Variants in KIF26B observed in about 807,000 individuals in gnomAD.
KIF26B encodes kinesin family member 26B.
KIF26B carries 63 observed loss-of-function variants against 151.2 expected under a neutral mutation model. The observed-to-expected ratio is 0.42, with a 90% CI of 0.34 to 0.51. The LOEUF (loss-of-function observed/expected upper bound fraction) is 0.51, where lower values mean the gene tolerates loss of function less well. Among genes scored for constraint, KIF26B ranks in the 20% least tolerant of loss-of-function variants. KIF26B has a pLI of 0.07. For missense variants in KIF26B, 2,813 were observed against 2,913.6 expected, an observed-to-expected ratio of 0.97 and a Z score of 0.79; for synonymous variants, 1,357 against 1,262.1, an observed-to-expected ratio of 1.08 and a Z score of -1.59.
At position 245,522,091 on chromosome 1, in the gene KIF26B, G is replaced by C. The variant is rs148609986; in HGVS notation, c.1167-18676G>C. Among the ~76,000 whole-genome samples, 610 of 152,186 alleles carry C rather than the reference G, an allele frequency of 4.0e-3. 2 individuals are homozygous for C. Among genetic ancestry groups the C allele is most frequent in the African/African-American group, 9.4e-3 (389 of 41,518 alleles). On this transcript the variant is annotated intron_variant, in intron 4 of 14. Transcript: ENST00000407071. The stretch of plus-strand genomic sequence containing the variant: ...TCACCGTGTTAGCCAGGATGGTCTC[G>C]ATCTCCTGACCTCATGATCTGCCCG...
chr1:245,463,591 C>T (rs2103058955), intron 4 of KIF26B, among the ~76,000 whole-genome samples: 1 of 152,298 alleles, frequency 6.6e-6, no homozygotes, highest in African/African-American at 2.4e-5. Context: ...CTTCCTGGGA[C>T]TTTGCAGTCA....
intron 4 of KIF26B, among the ~76,000 whole-genome samples, chr1:245,534,205 C>T (rs1558203447): frequency 6.6e-6 from 1 of 152,100 alleles, no homozygotes; most frequent in East Asian, 1.9e-4. Flanking sequence ...TGCTGTCCCC[C>T]AGGCTGGTGT....
intron 2 of KIF26B, among the ~76,000 whole-genome samples, chr1:245,280,156 C>T (rs1051052744): frequency 5.3e-5 from 8 of 152,038 alleles, no homozygotes; most frequent in Admixed American, 2.6e-4. Flanking sequence ...GAGTCGTCAC[C>T]CAGAACCCCC....
intron 2 of KIF26B, among the ~76,000 whole-genome samples, chr1:245,246,347 C>T (rs1041140619): frequency 6.6e-6 from 1 of 152,202 alleles, no homozygotes; most frequent in African/African-American, 2.4e-5. Flanking sequence ...ATGCTGTTGT[C>T]TTCATCATCC....
rs1307655564 is a variant in KIF26B at position 245,516,331 on chromosome 1, G to C, written c.1167-24436G>C. ...ACGGCAACAACAAAACGTGTAACAG[G>C]AATTGTCCGTTCCCATGGCCAGTCC... is the stretch of plus-strand genomic sequence containing the variant. On this transcript the variant is annotated intron_variant, in intron 4 of 14. Coordinates refer to ENST00000407071, the MANE Select transcript of KIF26B (RefSeq NM_018012.4). The surrounding 1 kb of genome is among the most constrained non-coding windows in gnomAD (Gnocchi z 4.2). Among the ~76,000 whole-genome samples, 2 of 152,136 alleles carry C rather than the reference G, an allele frequency of 1.3e-5. No individual in the cohort carries two copies. Among genetic ancestry groups the C allele is most frequent in the Non-Finnish European group, 2.9e-5 (2 of 68,026 alleles).
chr1:245,574,263 C>A (rs958013266), intron 5 of KIF26B, among the ~76,000 whole-genome samples: 2 of 152,144 alleles, frequency 1.3e-5, no homozygotes, highest in African/African-American at 4.8e-5. Flanking sequence ...TGAGCCTCAG[C>A]CTCCCGAGTA....
At chr1:245,327,301 TGA>T (rs538089513) in intron 2 of KIF26B, among the ~76,000 whole-genome samples, 221 of 152,300 alleles carry the variant, frequency 1.5e-3, no homozygotes, top group African/African-American at 5.1e-3. Context: ...GAAACAGATG[TGA>T]GTGTTTGAAT....
intron 2 of KIF26B, among the ~76,000 whole-genome samples, chr1:245,199,685 G>A (rs766954741): frequency 6.6e-5 from 10 of 152,080 alleles, no homozygotes; most frequent in Admixed American, 1.3e-4. Flanking sequence ...GTTTCACCAT[G>A]TTGGCCAGGC....
intron 2 of KIF26B, among the ~76,000 whole-genome samples, chr1:245,220,023 G>A (rs925358729): frequency 3.3e-5 from 5 of 152,128 alleles, no homozygotes; most frequent in Non-Finnish European, 7.4e-5. Flanking sequence ...GATGCAGGGG[G>A]CAGAGGTGAG....
intron 4 of KIF26B, among the ~76,000 whole-genome samples, chr1:245,480,441 T>C (rs1660141679): frequency 6.6e-6 from 1 of 151,618 alleles, no homozygotes; most frequent in South Asian, 2.1e-4. Flanking sequence ...TCTGCCAGCT[T>C]AGGGGTTCCA....
At chr1:245,248,591 A>G (rs929074646) in intron 2 of KIF26B, among the ~76,000 whole-genome samples, 9 of 152,354 alleles carry the variant, frequency 5.9e-5, no homozygotes, top group Non-Finnish European at 8.8e-5. Flanking sequence ...GACGCCAAGA[A>G]CTAAATCGTA....
At chr1:245,249,150 C>T (rs185357877) in intron 2 of KIF26B, among the ~76,000 whole-genome samples, 10 of 152,236 alleles carry the variant, frequency 6.6e-5, no homozygotes, top group East Asian at 3.9e-4. Flanking sequence ...CTTGCTCTTT[C>T]GCCCAGGCTG....
rs898677524 is a variant in KIF26B at position 245,155,342 on chromosome 1, G to A, written c.-83G>A. ...GAGGGCTGAGAGCCAGCCCCCTGCA[G>A]CCGGGGGACGCTTCTGGGTTGGAGG... On this transcript the variant is annotated 5_prime_UTR_variant, in exon 1 of 15. Transcript: ENST00000407071. 1 of 1,187,612 alleles carries A rather than the reference G, an allele frequency of 8.4e-7. No homozygotes were observed. The highest frequency in any genetic ancestry group is 1.2e-6 in the Non-Finnish European group (1 of 817,562). The allele number at this position is 1,187,612 out of a possible 1,614,324, so 73.6% of individuals were successfully genotyped here.
rs558034521 is a variant in KIF26B at position 245,358,515 on chromosome 1, G to A, written c.466-8319G>A. Among the ~76,000 whole-genome samples, 20 of 151,308 alleles carry A rather than the reference G, an allele frequency of 1.3e-4. No homozygotes were observed. In the East Asian group the frequency reaches 2.7e-3, roughly 21 times the overall value. On this transcript the variant is annotated intron_variant, in intron 2 of 14. Transcript: ENST00000407071. This position sits in a 1 kb window ranked among gnomAD's most constrained non-coding sequence, Gnocchi z 4.1. ...AGCCTGGGCTACAGAGTGAGACTCC[G>A]TCTCAAAACAAAACAAAACAAAACA...
chr1:245,169,607 T>TTTTTG (rs1668676125), intron 2 of KIF26B, among the ~76,000 whole-genome samples: 1 of 149,644 alleles, frequency 6.7e-6, no homozygotes. Context: ...TACAAGCATT[T>TTTTTG]TTTGCAGCCG....
Position 245,702,722 on chromosome 1 carries a change from T to G in KIF26B, c.*116T>G. 1 of 1,218,720 alleles carries G rather than the reference T, an allele frequency of 8.2e-7. No homozygotes were observed. The allele number at this position is 1,218,720 out of a possible 1,614,324, so 75.5% of individuals were successfully genotyped here. A position where few individuals can be genotyped will look rare whatever the true frequency, so the allele number is the denominator to read the frequency against. ...GACAATGAATGAGGATGAAGGTTGG[T>G]GGCAAGTCTGGAGCGGGCGTTGAGC... On this transcript the variant is annotated 3_prime_UTR_variant, in exon 15 of 15. Coordinates refer to ENST00000407071, the MANE Select transcript of KIF26B (RefSeq NM_018012.4). This position sits in a 1 kb window ranked among gnomAD's most constrained non-coding sequence, Gnocchi z 4.1.
intron 12 of KIF26B, among the ~76,000 whole-genome samples, chr1:245,691,939 G>A (rs1433958736): frequency 1.3e-5 from 2 of 152,148 alleles, no homozygotes; most frequent in Non-Finnish European, 2.9e-5. Flanking sequence ...AAAGCAGGAG[G>A]AGGCTTAGAA....
chr1:245,698,760 T>A lies in KIF26B; in HGVS notation c.6028-127T>A. 3 of 1,130,834 alleles carry A rather than the reference T, an allele frequency of 2.7e-6. No homozygotes were observed. Among genetic ancestry groups the A allele is most frequent in the Non-Finnish European group, 3.7e-6 (3 of 803,098 alleles). The allele number at this position is 1,130,834 out of a possible 1,614,324, so 70.1% of individuals were successfully genotyped here. A position where few individuals can be genotyped will look rare whatever the true frequency, so the allele number is the denominator to read the frequency against. ...CTGTCAAGGGAGAATTTGGTGGGGA[T>A]GACCCATGTCCCTCCCACACGTCTC... On this transcript the variant is annotated intron_variant, in intron 13 of 14. Coordinates refer to ENST00000407071, the MANE Select transcript of KIF26B (RefSeq NM_018012.4). The surrounding 1 kb of genome is among the most constrained non-coding windows in gnomAD (Gnocchi z 4.0).
At chr1:245,364,426 T>C (rs1260998807) in intron 2 of KIF26B, among the ~76,000 whole-genome samples, 19 of 141,776 alleles carry the variant, frequency 1.3e-4, no homozygotes, top group African/African-American at 5.1e-4. Flanking sequence ...CTCTCTCTTT[T>C]TTTTTTTTTT....
Sources: gnomAD v4.1 joint callset for allele counts (sites outside exome capture counted in the v4.1 genomes callset) on GRCh38, gnomAD v4.1.1 for gene constraint, Gnocchi (gnomAD v3.1) non-coding constraint, MANE v1.5 for transcripts, NCBI Gene and HGNC (gene_info 2026-07-23, HGNC 2026-07-21) for gene names.